Variants in LYST observed in about 807,000 individuals in gnomAD.
LYST encodes the protein lysosomal trafficking regulator.
A neutral mutation model predicts 413.6 loss-of-function variants in LYST; 192 were observed. The ratio of observed to expected loss-of-function variants is 0.46; its 90% confidence interval spans 0.41 to 0.52. The LOEUF (loss-of-function observed/expected upper bound fraction) is 0.52. Ranked by LOEUF, LYST falls within the 20% of genes least tolerant of loss-of-function variation. LYST has a pLI of 0.00. For synonymous variants in LYST, 1,525 were observed against 1,567.3 expected, an observed-to-expected ratio of 0.97 and a Z score of 0.64; for missense variants, 3,815 against 4,499.9, an observed-to-expected ratio of 0.85 and a Z score of 4.35.
Position 235,741,446 on chromosome 1 carries a change from T to C in LYST, c.8334A>G (p.Arg2778=). ...VHEPNHQEIL[R]DCLSPSLQHG... ...CTTGTAGGGATGGGCTGAGACAGTCTCGTAGTATTTCCTGATGATTTGGTT... is the reference window on the plus strand; with the variant it reads ...CTTGTAGGGATGGGCTGAGACAGTCCCGTAGTATTTCCTGATGATTTGGTT... The change falls in exon 31 of 53, where the codon CGA becomes CGG. Residue 2778 remains arginine, a synonymous_variant. Coordinates refer to ENST00000389793, the MANE Select transcript of LYST (RefSeq NM_000081.4). The C allele has an allele frequency of 6.2e-7, 1 of 1,614,062 alleles. No homozygotes were observed. The highest frequency in any genetic ancestry group is 1.1e-5 in the South Asian group (1 of 91,084).
At chr1:235,849,397 C>T (rs972871781) in intron 1 of LYST, among the ~76,000 whole-genome samples, 1 of 152,086 alleles carries the variant, frequency 6.6e-6, no homozygotes, top group African/African-American at 2.4e-5. Flanking sequence ...ATGACAAACC[C>T]ACAGCCAACA....
intron 1 of LYST, among the ~76,000 whole-genome samples, chr1:235,881,516 G>C (rs1681374365): frequency 6.6e-6 from 1 of 152,108 alleles, no homozygotes; most frequent in Admixed American, 6.5e-5. Context: ...AGAGATATTG[G>C]TACACCCATG....
At chr1:235,731,380 C>A (rs776147644) in intron 34 of LYST, among the ~76,000 whole-genome samples, 1 of 152,192 alleles carries the variant, frequency 6.6e-6, no homozygotes. Context: ...GAATCCCAGT[C>A]TCCCAGTTCC....
intron 44 of LYST, among the ~76,000 whole-genome samples, chr1:235,708,231 G>T (rs1409773205): frequency 1.3e-5 from 2 of 152,076 alleles, no homozygotes; most frequent in African/African-American, 4.8e-5. Flanking sequence ...TTTATTTCTG[G>T]ATGGTGATAT....
chr1:235,812,156 T>G (rs1429330488), intron 4 of LYST, among the ~76,000 whole-genome samples: 2 of 152,098 alleles, frequency 1.3e-5, no homozygotes, highest in Non-Finnish European at 2.9e-5. Flanking sequence ...AAATTAAAAA[T>G]ATCTATCGAC....
intron 48 of LYST, 22 bp from the exon 49 acceptor site, chr1:235,677,641 T>C: frequency 6.2e-7 from 1 of 1,602,600 alleles, no homozygotes; most frequent in Non-Finnish European, 8.5e-7. Context: ...AAATTAAGTA[T>C]GAGATAAAAA....
intron 48 of LYST, among the ~76,000 whole-genome samples, chr1:235,680,468 C>T (rs1373403718): frequency 2.6e-5 from 4 of 151,910 alleles, no homozygotes; most frequent in Non-Finnish European, 2.9e-5. Flanking sequence ...TGCTATGCTG[C>T]CCAAGCTGGT....
chr1:235,737,494 TC>T (rs1188201597), intron 31 of LYST: 1 of 152,164 alleles, frequency 6.6e-6, no homozygotes, highest in Non-Finnish European at 1.5e-5. Flanking sequence ...AATACTATCA[TC>T]TCCTTAAAAG....
chr1:235,751,987 A>G lies in LYST; in HGVS notation c.7627+18T>C. ...GTTATACAACTCCCTCCCCAAATTC[A>G]TAAAAATTAAATCTTACTTTGTGTC... On this transcript the variant is annotated intron_variant, in intron 27 of 52. Transcript: ENST00000389793. 1 of 1,583,532 alleles carries G rather than the reference A, an allele frequency of 6.3e-7. No individual in the cohort carries two copies. Among genetic ancestry groups the G allele is most frequent in the South Asian group, 1.1e-5 (1 of 90,070 alleles).
In LYST at chr1:235,792,961, G is replaced by A. The variant is rs749673503; in HGVS notation, c.4116+542C>T. 1.6e-4 allele frequency among the ~76,000 whole-genome samples: 25 copies of A among 152,280 alleles called. No individual in the cohort carries two copies. The South Asian group carries it at 2.1e-3, about 13-fold the overall frequency. On this transcript the variant is annotated intron_variant, in intron 11 of 52. Coordinates refer to ENST00000389793, the MANE Select transcript of LYST (RefSeq NM_000081.4). The stretch of plus-strand genomic sequence containing the variant: ...TTACAGGTATGAGCCATGGCGCCCT[G>A]CCTTAGATGTTCTCTGGAACATCCA...
chr1:235,808,611 T>C lies in LYST; in HGVS notation c.2207A>G (p.Asn736Ser), dbSNP rs1480356144. ...TTCAACTCCTCTTTGGAGCACAGGA[T>C]TAAATATGTAATTATATAATTTCCA... ...VQWKLYNYIF[N>S]PVLQRGVELA... Residue 736 changes from asparagine (N) to serine (S), a missense_variant, in exon 5 of 53, where the codon AAT (asparagine) becomes AGT (serine). This residue lies in a region of LYST where 1,648 missense variants were observed against 1,810.3 expected (regional missense o/e 0.91). Transcript: ENST00000389793. The C allele has an allele frequency of 1.2e-6, 2 of 1,613,792 alleles. No homozygotes were observed. Among genetic ancestry groups the C allele is most frequent in the Non-Finnish European group, 1.7e-6 (2 of 1,179,868 alleles).
At chr1:235,826,627 C>T (rs1039142145) in intron 3 of LYST, among the ~76,000 whole-genome samples, 19 of 152,066 alleles carry the variant, frequency 1.2e-4, no homozygotes, top group African/African-American at 4.1e-4. Context: ...TCTAAGGTGG[C>T]GGAAATATTC....
chr1:235,883,634 C>G (rs1681469470), exon 1 of LYST: 1 of 152,542 alleles, frequency 6.6e-6, no homozygotes, highest in African/African-American at 2.4e-5. Context: ...TCTTAGAAGC[C>G]CTTGCGTTGC....
intron 3 of LYST, among the ~76,000 whole-genome samples, chr1:235,822,569 T>G (rs1442906838): frequency 6.6e-6 from 1 of 152,194 alleles, no homozygotes; most frequent in Admixed American, 6.5e-5. Context: ...GATCATCAAT[T>G]CAACCCTGAG....
At chr1:235,778,122 T>TATATATATATATATATATATATATATA (rs1558230944) in intron 16 of LYST, among the ~76,000 whole-genome samples, 6 of 144,798 alleles carry the variant, frequency 4.1e-5, no homozygotes, top group African/African-American at 1.6e-4. Flanking sequence ...TATATATATA[T>TATATATATATATATATATATATATATA]TTTTGTAGAG....
rs11801288 is a variant in LYST at position 235,753,840 on chromosome 1, C to T, written c.7230-566G>A. Among the ~76,000 whole-genome samples the T allele has an allele frequency of 3.0e-3, 460 of 152,170 alleles. 4 individuals carry two copies. Among genetic ancestry groups the T allele is most frequent in the African/African-American group, 0.011 (440 of 41,518 alleles). On this transcript the variant is annotated intron_variant, in intron 25 of 52. Transcript: ENST00000389793. ...CAAATAAAGTAATGCACAATTGTTTCGTGAAAGCCAAAAGTTGTATGTAAA... is the reference window on the plus strand; with the variant it reads ...CAAATAAAGTAATGCACAATTGTTTTGTGAAAGCCAAAAGTTGTATGTAAA...
intron 16 of LYST, among the ~76,000 whole-genome samples, chr1:235,777,550 C>T (rs1446105661): frequency 1.3e-5 from 2 of 152,126 alleles, no homozygotes; most frequent in Non-Finnish European, 2.9e-5. Flanking sequence ...GAGAAGGATT[C>T]CAGCTTTGTT....
At chr1:235,848,783 T>C (rs1486908398) in intron 1 of LYST, among the ~76,000 whole-genome samples, 5 of 151,940 alleles carry the variant, frequency 3.3e-5, no homozygotes, top group Admixed American at 6.6e-5. Context: ...CTAGAAGAGA[T>C]GGATACATTC....
At position 235,759,528 on chromosome 1, in the gene LYST, A is replaced by G. The variant is rs758859512; in HGVS notation, c.6325T>C (p.Phe2109Leu). 1.2e-6 allele frequency: 2 copies of G among 1,613,936 alleles called. No homozygotes were observed. The highest frequency in any genetic ancestry group is 1.3e-5 in the African/African-American group (1 of 75,060). The part of the protein sequence containing the change: ...HMLRSRSLPA[F>L]PTSSLLTQSQ... ...TGCGTTAGTAGTGAAGAAGTAGGGA[A>G]TGCTGGTAGGCTTCTAGAACGCAGC... Residue 2109 changes from phenylalanine (F) to leucine (L), a missense_variant, in exon 23 of 53, where the codon TTC (phenylalanine) becomes CTC (leucine). By Grantham distance (22) the Phe-to-Leu change is conservative. This residue lies in a region of LYST where 530 missense variants were observed against 696.5 expected (regional missense o/e 0.76). Coordinates refer to ENST00000389793, the MANE Select transcript of LYST (RefSeq NM_000081.4).
Sources: allele counts gnomAD v4.1 joint callset (sites outside exome capture counted in the v4.1 genomes callset), GRCh38; gene constraint gnomAD v4.1.1; regional missense constraint gnomAD v4.1.1; transcripts MANE v1.5; gene names NCBI Gene and HGNC (gene_info 2026-07-23, HGNC 2026-07-21).